PTPRM: variants seen among roughly 807,000 people sequenced by gnomAD.
The protein encoded by PTPRM is protein tyrosine phosphatase receptor type M.
Under a neutral mutation model 186.7 loss-of-function variants are expected in PTPRM, and 47 were observed. The ratio of observed to expected loss-of-function variants is 0.25; its 90% CI spans 0.20 to 0.32. PTPRM has a LOEUF of 0.32. Ranked by LOEUF, PTPRM falls within the 10% of genes least tolerant of loss-of-function variation. PTPRM has a pLI of 1.00. For missense variants in PTPRM, 1,494 were observed against 1,865.0 expected (o/e 0.80, Z 3.66); for synonymous variants, 668 against 674.9 (o/e 0.99, Z 0.16).
chr18:8,358,162 C>T (rs1357273692), intron 23 of PTPRM, among the ~76,000 whole-genome samples: 2 of 150,970 alleles, frequency 1.3e-5, no homozygotes, highest in Non-Finnish European at 3.0e-5. Flanking sequence ...CATTTGCCTG[C>T]GTGAGTAACC....
chr18:7,820,970 C>T (rs1380489639), intron 2 of PTPRM, among the ~76,000 whole-genome samples: 4 of 152,138 alleles, frequency 2.6e-5, no homozygotes, highest in African/African-American at 4.8e-5. Flanking sequence ...GGTCAGCTGC[C>T]CCCCAAGGAC....
At chr18:7,626,567 C>T (rs2038067399) in intron 1 of PTPRM, among the ~76,000 whole-genome samples, 1 of 152,194 alleles carries the variant, frequency 6.6e-6, no homozygotes, top group Non-Finnish European at 1.5e-5. Flanking sequence ...CTCCCAGCCA[C>T]ACAGCTGGTG....
chr18:7,902,958 C>CA (rs1946184451), intron 3 of PTPRM, among the ~76,000 whole-genome samples: 1 of 151,876 alleles, frequency 6.6e-6, no homozygotes. Context: ...TTCACACGAG[C>CA]ACGTCTCACA....
At chr18:8,214,159 T>C (rs1318839517) in intron 14 of PTPRM, among the ~76,000 whole-genome samples, 1 of 152,184 alleles carries the variant, frequency 6.6e-6, no homozygotes, top group Non-Finnish European at 1.5e-5. Context: ...TGGGGTACAG[T>C]GTACACTGTT....
At chr18:7,640,500 A>G (rs1056667603) in intron 1 of PTPRM, among the ~76,000 whole-genome samples, 3 of 152,044 alleles carry the variant, frequency 2.0e-5, no homozygotes, top group Non-Finnish European at 4.4e-5. Flanking sequence ...AAACTAAAAT[A>G]TATATATATG....
chr18:8,392,255 G>T (rs528464189), intron 31 of PTPRM, among the ~76,000 whole-genome samples: 1 of 152,284 alleles, frequency 6.6e-6, no homozygotes, highest in African/African-American at 2.4e-5. Context: ...ACACTGACTA[G>T]AAATTTGATA....
At chr18:7,737,346 C>A (rs993715948) in intron 1 of PTPRM, among the ~76,000 whole-genome samples, 1 of 149,968 alleles carries the variant, frequency 6.7e-6, no homozygotes, top group African/African-American at 2.5e-5. Context: ...CCACCTGCCT[C>A]GGCCTCCCAA....
chr18:7,748,558 CA>C (rs1431804684), intron 1 of PTPRM, among the ~76,000 whole-genome samples: 1 of 152,112 alleles, frequency 6.6e-6, no homozygotes, highest in Non-Finnish European at 1.5e-5. Flanking sequence ...GCAGAGCTGC[CA>C]AATCAGCTCC....
intron 2 of PTPRM, chr18:7,814,983 C>T (rs1470007270): frequency 1.3e-5 from 2 of 152,284 alleles, no homozygotes; most frequent in East Asian, 1.9e-4. Flanking sequence ...ATCATCAGTC[C>T]TCCCAGTCTT....
chr18:8,014,650 T>C (rs1167045975), intron 7 of PTPRM, among the ~76,000 whole-genome samples: 5 of 152,202 alleles, frequency 3.3e-5, no homozygotes, highest in Admixed American at 3.3e-4. Flanking sequence ...GGAAATTGTG[T>C]TCTGTCTGAA....
At position 8,376,026 on chromosome 18, in the gene PTPRM, T is replaced by TG. The variant is rs768939107; in HGVS notation, c.3172-18dup. 1 of 1,595,720 alleles carries TG rather than the reference T, an allele frequency of 6.3e-7. No individual in the cohort carries two copies. Among genetic ancestry groups the TG allele is most frequent in the Non-Finnish European group, 8.6e-7 (1 of 1,164,872 alleles). On this transcript the variant is annotated intron_variant, in intron 24 of 32. Transcript: ENST00000580170. ...TTTTCCCTTGTTCTCTTCCTTGTTC[T>TG]GGCTAACCAACTACTGCAGAGAGGT...
chr18:8,179,823 A>T (rs566634782), intron 14 of PTPRM, among the ~76,000 whole-genome samples: 63 of 152,276 alleles, frequency 4.1e-4, no homozygotes, highest in African/African-American at 1.5e-3. Flanking sequence ...ACAATTTACC[A>T]TACAAGATCC....
At chr18:8,234,732 T>TC (rs1159007437) in intron 14 of PTPRM, among the ~76,000 whole-genome samples, 1 of 125,434 alleles carries the variant, frequency 8.0e-6, no homozygotes, top group Non-Finnish European at 1.9e-5. Context: ...TAGTAGATCT[T>TC]TTTTTTATCA....
rs1307548236 is a variant in PTPRM at position 8,126,002 on chromosome 18, TATATATATATATA to T, written c.2167+11176_2167+11188del. Among the ~76,000 whole-genome samples, 143 of 18,052 alleles carry T rather than the reference TATATATATATATA, an allele frequency of 7.9e-3. 7 individuals carry two copies. The highest frequency in any genetic ancestry group is 0.015 in the Non-Finnish European group (88 of 6,026). 11.8% of individuals were successfully genotyped at this position (18,052 alleles called of 152,430 possible). On this transcript the variant is annotated intron_variant, in intron 13 of 32. Transcript: ENST00000580170. ...ATATATATATATATATATATATATA[TATATATATATATA>T]TATATATATATATTTTAAATCAGTA...
At chr18:7,912,741 G>A (rs915517509) in intron 4 of PTPRM, among the ~76,000 whole-genome samples, 37 of 151,004 alleles carry the variant, frequency 2.5e-4, no homozygotes, top group African/African-American at 8.5e-4. Context: ...GGATGGTCTC[G>A]ATCTCGTGAC....
intron 1 of PTPRM, among the ~76,000 whole-genome samples, chr18:7,691,059 C>T (rs1339044735): frequency 6.6e-6 from 1 of 151,870 alleles, no homozygotes; most frequent in Non-Finnish European, 1.5e-5. Flanking sequence ...TCTGAGATGC[C>T]ACATCTCGAC....
chr18:7,783,122 G>A (rs954362168), intron 2 of PTPRM, among the ~76,000 whole-genome samples: 1 of 152,194 alleles, frequency 6.6e-6, no homozygotes, highest in Non-Finnish European at 1.5e-5. Flanking sequence ...GGAATAAACA[G>A]GCTGATCATG....
chr18:8,095,439 G>T (rs1198570657), intron 11 of PTPRM, among the ~76,000 whole-genome samples: 1 of 152,106 alleles, frequency 6.6e-6, no homozygotes, highest in Non-Finnish European at 1.5e-5. Flanking sequence ...CTGAGAATGA[G>T]AAGTGTGTTA....
chr18:7,774,002 G>C (rs574337474), intron 1 of PTPRM, 147 bp from the exon 2 acceptor site: 384 of 720,430 alleles, frequency 5.3e-4, no homozygotes, highest in Non-Finnish European at 7.8e-4. Context: ...ACTAAGTGTT[G>C]GATGCACAGC....
Sources: allele counts gnomAD v4.1 joint callset (sites outside exome capture counted in the v4.1 genomes callset), GRCh38; gene constraint gnomAD v4.1.1; transcripts MANE v1.5; gene names NCBI Gene and HGNC (gene_info 2026-07-23, HGNC 2026-07-21).